ZFAND3: variants seen among roughly 807,000 people sequenced by gnomAD.
ZFAND3 encodes zinc finger AN1-type containing 3.
A neutral mutation model predicts 29.6 loss-of-function variants in ZFAND3; 10 were observed. The ratio of observed to expected loss-of-function variants is 0.34; its 90% CI spans 0.21 to 0.57. The LOEUF is 0.57. Ranked by LOEUF, ZFAND3 falls within the 20% of genes least tolerant of loss-of-function variation. The pLI is 0.86. For missense variants in ZFAND3, 230 were observed against 304.5 expected, an observed-to-expected ratio of 0.76 and a Z score of 1.82; for synonymous variants, 128 against 112.6, an observed-to-expected ratio of 1.14 and a Z score of -0.87.
At chr6:37,945,666 C>T (rs1761888471) in intron 2 of ZFAND3, among the ~76,000 whole-genome samples, 1 of 152,162 alleles carries the variant, frequency 6.6e-6, no homozygotes, top group Non-Finnish European at 1.5e-5. Context: ...TGAGCCATGG[C>T]ACCCGGCCGA....
chr6:38,039,489 C>G (rs1306693133), intron 2 of ZFAND3, among the ~76,000 whole-genome samples: 2 of 152,086 alleles, frequency 1.3e-5, no homozygotes, highest in African/African-American at 4.8e-5. Context: ...GAAGGAGACA[C>G]AAGAGGAGTA....
At chr6:38,122,137 A>C (rs1381156983) in intron 5 of ZFAND3, among the ~76,000 whole-genome samples, 1 of 152,174 alleles carries the variant, frequency 6.6e-6, no homozygotes, top group African/African-American at 2.4e-5. Flanking sequence ...GTTATGGTAC[A>C]GTTGTCCCCT....
chr6:37,962,877 C>T (rs1461075227), intron 2 of ZFAND3, among the ~76,000 whole-genome samples: 1 of 152,232 alleles, frequency 6.6e-6, no homozygotes, highest in Non-Finnish European at 1.5e-5. Context: ...GTAACACTTA[C>T]TGTGAATGTC....
At chr6:37,881,802 C>T (rs368497490) in intron 1 of ZFAND3, among the ~76,000 whole-genome samples, 1 of 151,292 alleles carries the variant, frequency 6.6e-6, no homozygotes, top group Non-Finnish European at 1.5e-5. Context: ...TAGGGGTAGG[C>T]AAGAGTAGAG....
At position 37,994,670 on chromosome 6, in the gene ZFAND3, T is replaced by C. The variant is rs562602105; in HGVS notation, c.112+64671T>C. On this transcript the variant is annotated intron_variant, in intron 2 of 5. Coordinates refer to ENST00000287218, the MANE Select transcript of ZFAND3 (RefSeq NM_021943.3). ...GTGATTTGTAACTCTTACTCTCCAA[T>C]TTCTATCAATAAAGCACAGCTGCTT... 1.9e-4 allele frequency among the ~76,000 whole-genome samples: 29 copies of C among 152,326 alleles called. No individual in the cohort carries two copies. The South Asian group carries it at 5.2e-3, about 27-fold the overall frequency.
chr6:38,116,050 TTTAC>T (rs1765410722), intron 4 of ZFAND3, among the ~76,000 whole-genome samples: 2 of 152,192 alleles, frequency 1.3e-5, no homozygotes, highest in South Asian at 4.1e-4. Context: ...CGTGAGTAAT[TTTAC>T]TATAAAAGAT....
intron 2 of ZFAND3, among the ~76,000 whole-genome samples, chr6:37,985,915 A>C (rs1390447862): frequency 1.3e-5 from 2 of 152,236 alleles, no homozygotes; most frequent in Non-Finnish European, 2.9e-5. Context: ...TTGTAATCTC[A>C]GATCTATCCA....
intron 1 of ZFAND3, among the ~76,000 whole-genome samples, chr6:37,859,779 A>G (rs1400622316): frequency 1.3e-5 from 2 of 151,448 alleles, no homozygotes; most frequent in African/African-American, 4.8e-5. Flanking sequence ...ATTTTGATGA[A>G]TAATGATTTA....
At chr6:37,841,638 A>G (rs138042207) in intron 1 of ZFAND3, among the ~76,000 whole-genome samples, 2,772 of 152,190 alleles carry the variant, frequency 0.018, 41 homozygotes, top group South Asian at 0.06. Context: ...GCCTGCCACC[A>G]TGCCCGGCTA....
At chr6:38,000,880 G>A (rs1021717893) in intron 2 of ZFAND3, among the ~76,000 whole-genome samples, 6 of 152,092 alleles carry the variant, frequency 3.9e-5, no homozygotes, top group African/African-American at 9.7e-5. Flanking sequence ...ATGAGATTTG[G>A]GTGGGGACAC....
intron 2 of ZFAND3, among the ~76,000 whole-genome samples, chr6:37,973,222 A>G (rs1244311361): frequency 6.6e-6 from 1 of 152,202 alleles, no homozygotes; most frequent in Non-Finnish European, 1.5e-5. Context: ...AAGTAGTTAA[A>G]TACACCCAAG....
In ZFAND3 at chr6:37,888,540, T is replaced by C. The variant is rs540445957; in HGVS notation, c.72-41419T>C. ...ATGTGAAATTATATATGCATTGGCT[T>C]GTATATCCCTTTTCTTTTTTTCCAC... On this transcript the variant is annotated intron_variant, in intron 1 of 5. Coordinates refer to ENST00000287218, the MANE Select transcript of ZFAND3 (RefSeq NM_021943.3). Among the ~76,000 whole-genome samples, 16 of 152,356 alleles carry C rather than the reference T, an allele frequency of 1.1e-4. 1 individual carries two copies. In the South Asian group the frequency reaches 3.3e-3, roughly 32 times the overall value.
chr6:38,106,689 G>GTT (rs1765216631), intron 4 of ZFAND3, among the ~76,000 whole-genome samples: 1 of 152,102 alleles, frequency 6.6e-6, no homozygotes, highest in African/African-American at 2.4e-5. Flanking sequence ...GTTTGTGTGT[G>GTT]TGTGTGTGTG....
At chr6:37,966,961 C>T (rs1762303450) in intron 2 of ZFAND3, among the ~76,000 whole-genome samples, 1 of 152,118 alleles carries the variant, frequency 6.6e-6, no homozygotes, top group Admixed American at 6.6e-5. Flanking sequence ...GTGATGCAAG[C>T]TATGTACCTT....
Position 37,819,933 on chromosome 6 carries a change from G to A in ZFAND3, c.-13G>A, listed in dbSNP as rs1439302701. 1 of 1,215,868 alleles carries A rather than the reference G, an allele frequency of 8.2e-7. No homozygotes were observed. 75.3% of individuals were successfully genotyped at this position (1,215,868 alleles called of 1,614,324 possible). A position where few individuals can be genotyped will look rare whatever the true frequency, so the allele number is the denominator to read the frequency against. On this transcript the variant is annotated 5_prime_UTR_variant, in exon 1 of 6. Transcript: ENST00000287218. ...ACCGCTGCCGCCGCCGAGCTCCGCC[G>A]CCGCCGAGCACCATGGGAGACGCTG...
chr6:38,015,063 C>T (rs768047431), intron 2 of ZFAND3, among the ~76,000 whole-genome samples: 4 of 152,132 alleles, frequency 2.6e-5, no homozygotes, highest in African/African-American at 7.2e-5. Flanking sequence ...TTAAGGTCTA[C>T]AAGGAGGAGG....
chr6:38,131,632 G>A (rs183401575), intron 5 of ZFAND3, among the ~76,000 whole-genome samples: 31 of 152,308 alleles, frequency 2.0e-4, no homozygotes, highest in African/African-American at 7.2e-4. Context: ...CCTTTTGGGT[G>A]TGTAACACAT....
At chr6:37,912,589 G>T (rs199562174) in intron 1 of ZFAND3, among the ~76,000 whole-genome samples, 2 of 152,080 alleles carry the variant, frequency 1.3e-5, no homozygotes, top group African/African-American at 4.8e-5. Context: ...CAAGTGTTGT[G>T]GGTTATTGTT....
At chr6:37,825,023 A>G (rs994386334) in intron 1 of ZFAND3, among the ~76,000 whole-genome samples, 2 of 152,222 alleles carry the variant, frequency 1.3e-5, no homozygotes, top group African/African-American at 2.4e-5. Flanking sequence ...TTTAGAATCA[A>G]TGTATATATT....
Sources: allele counts gnomAD v4.1 joint callset (sites outside exome capture counted in the v4.1 genomes callset), GRCh38; gene constraint gnomAD v4.1.1; transcripts MANE v1.5; gene names NCBI Gene and HGNC (gene_info 2026-07-23, HGNC 2026-07-21).